The following TNRC6A variants were observed in gnomAD, a reference collection of about 807,000 sequenced individuals.
TNRC6A encodes trinucleotide repeat containing adaptor 6A, also known as trinucleotide repeat-containing gene 6A protein.
Under a neutral mutation model 221.2 loss-of-function variants are expected in TNRC6A, and 44 were observed. That is an observed-to-expected ratio of 0.20 (90% confidence interval 0.16 to 0.26). The LOEUF (loss-of-function observed/expected upper bound fraction) is 0.26, where lower values mean the gene tolerates loss of function less well. Ranked by LOEUF, TNRC6A falls within the 10% of genes least tolerant of loss-of-function variation. TNRC6A has a pLI of 1.00. For synonymous variants in TNRC6A, 847 were observed against 838.5 expected (o/e 1.01, Z -0.18); for missense variants, 2,199 against 2,404.4 (o/e 0.91, Z 1.79).
intron 2 of TNRC6A, among the ~76,000 whole-genome samples, chr16:24,694,653 C>CAAAAA (rs145287258): frequency 1.8e-5 from 1 of 54,840 alleles, no homozygotes; most frequent in Non-Finnish European, 3.1e-5. Context: ...GACTCTGTCT[C>CAAAAA]AAAAAAAAAA....
chr16:24,798,776 A>T (rs930156456), intron 11 of TNRC6A, among the ~76,000 whole-genome samples: 2 of 152,234 alleles, frequency 1.3e-5, no homozygotes, highest in Admixed American at 1.3e-4. Context: ...AGTAGATGGT[A>T]TTGTGTTAAT....
At chr16:24,736,757 C>T (rs988369415) in intron 2 of TNRC6A, among the ~76,000 whole-genome samples, 1 of 152,186 alleles carries the variant, frequency 6.6e-6, no homozygotes, top group Non-Finnish European at 1.5e-5. Context: ...TACTTCTACA[C>T]TGACTTGGTG....
rs866342921 is a variant in TNRC6A, at chr16:24,823,111, G to A, written c.5513+98G>A. On this transcript the variant is annotated intron_variant, in intron 24 of 24. Transcript: ENST00000395799. The surrounding 1 kb of genome is among the most constrained non-coding windows in gnomAD (Gnocchi z 4.3). ...CAGTGCACAGGGTCCTGCGTGGGTG[G>A]CTCCTGCTGGCTGCAGTAGTGCCCT... The A allele has an allele frequency of 5.0e-5, 75 of 1,498,300 alleles. No homozygotes were observed. In the Middle Eastern group the frequency reaches 6.7e-3, roughly 134 times the overall value. The allele number at this position is 1,498,300 out of a possible 1,614,324, so 92.8% of individuals were successfully genotyped here.
chr16:24,771,582 T>TTATGTTTTATGTTA, intron 4 of TNRC6A, among the ~76,000 whole-genome samples: 4 of 95,474 alleles, frequency 4.2e-5, no homozygotes, highest in Non-Finnish European at 8.2e-5. Flanking sequence ...TTATGTTATG[T>TTATGTTTTATGTTA]TGTTATGTTA....
intron 5 of TNRC6A, among the ~76,000 whole-genome samples, chr16:24,777,727 C>T (rs1024101794): frequency 1.3e-5 from 2 of 152,122 alleles, no homozygotes; most frequent in Non-Finnish European, 2.9e-5. Context: ...TGAGTTCTTA[C>T]CTCCACTTTC....
At chr16:24,672,543 G>T (rs1384287702) in intron 2 of TNRC6A, among the ~76,000 whole-genome samples, 1 of 152,106 alleles carries the variant, frequency 6.6e-6, no homozygotes, top group East Asian at 1.9e-4. Context: ...CTGGGCTCAG[G>T]CGATTTTCCC....
At chr16:24,700,246 T>A (rs1000023206) in intron 2 of TNRC6A, among the ~76,000 whole-genome samples, 2 of 149,368 alleles carry the variant, frequency 1.3e-5, no homozygotes, top group Admixed American at 6.6e-5. Context: ...ATTTTTCTTT[T>A]TTTTTTTGAG....
intron 1 of TNRC6A, among the ~76,000 whole-genome samples, chr16:24,620,409 G>A (rs560306054): frequency 2.5e-4 from 38 of 152,254 alleles, no homozygotes; most frequent in African/African-American, 9.1e-4. Flanking sequence ...TGCTAGTCAA[G>A]GAAGTAGATT....
chr16:24,668,314 A>AGT (rs1325481730), intron 2 of TNRC6A, among the ~76,000 whole-genome samples: 3 of 151,914 alleles, frequency 2.0e-5, no homozygotes, highest in Non-Finnish European at 4.4e-5. Context: ...ATTGCACTCC[A>AGT]GTCTGGGCAA....
chr16:24,781,658 CTCTT>C (rs1183225203), intron 5 of TNRC6A, among the ~76,000 whole-genome samples: 1 of 152,092 alleles, frequency 6.6e-6, no homozygotes, highest in African/African-American at 2.4e-5. Context: ...CAAACTTGAA[CTCTT>C]TGTGTTGCCC....
chr16:24,820,069 G>C, intron 21 of TNRC6A, 70 bp from the exon 22 acceptor site: 1 of 1,407,010 alleles, frequency 7.1e-7, no homozygotes, highest in Non-Finnish European at 1.0e-6. Flanking sequence ...GAGAATGGAT[G>C]TCATTATTTA....
At chr16:24,678,042 A>G (rs113685067) in intron 2 of TNRC6A, among the ~76,000 whole-genome samples, 7,709 of 151,884 alleles carry the variant, frequency 0.051, 632 homozygotes, top group African/African-American at 0.18. Flanking sequence ...GAGCGCAGTG[A>G]CTCATGCCTG....
At position 24,729,759 on chromosome 16, in the gene TNRC6A, G is replaced by A; in HGVS notation, c.-83G>A. 1.5e-6 allele frequency: 2 copies of A among 1,354,136 alleles called. No individual in the cohort carries two copies. The highest frequency in any genetic ancestry group is 1.5e-5 in the African/African-American group (1 of 64,582). The allele number at this position is 1,354,136 out of a possible 1,614,324, so 83.9% of individuals were successfully genotyped here. ...AAAATGGCGCTGGTGCAGCGGCTCG[G>A]GCCTCTCCCCGCGGCGCTGCGGAGG... On this transcript the variant is annotated 5_prime_UTR_variant, in exon 1 of 25. Transcript: ENST00000395799.
chr16:24,635,141 T>G (rs1375718874), intron 1 of TNRC6A, among the ~76,000 whole-genome samples: 1 of 142,452 alleles, frequency 7.0e-6, no homozygotes, highest in Non-Finnish European at 1.5e-5. Flanking sequence ...TTTCTTTTTC[T>G]TTTCTTTCCT....
At chr16:24,697,305 T>C (rs1405199556) in intron 2 of TNRC6A, among the ~76,000 whole-genome samples, 1 of 152,232 alleles carries the variant, frequency 6.6e-6, no homozygotes, top group Non-Finnish European at 1.5e-5. Context: ...AATCCTCTTC[T>C]GAATCGTTGT....
rs756202097 is a variant in TNRC6A, at chr16:24,791,559, G to A, written c.2917G>A (p.Gly973Arg). The A allele has an allele frequency of 6.4e-6, 10 of 1,551,322 alleles. No homozygotes were observed. The highest frequency in any genetic ancestry group is 1.4e-5 in the African/African-American group (1 of 72,438). Residue 973 changes from glycine to arginine, a missense_variant, in exon 6 of 25, where the codon GGA becomes AGA. Coordinates refer to ENST00000395799, the MANE Select transcript of TNRC6A (RefSeq NM_014494.4). ...GKPPGTGWLG[G>R]PIPAPAKEEE... ...ACCTCCTGGTACAGGCTGGCTGGGG[G>A]GACCTATACCAGCCCCAGCAAAAGA...
intron 2 of TNRC6A, among the ~76,000 whole-genome samples, chr16:24,748,351 T>C (rs1383582998): frequency 6.6e-6 from 1 of 152,182 alleles, no homozygotes; most frequent in Admixed American, 6.5e-5. Flanking sequence ...GCTGCTCTCA[T>C]ATGCTGTGGC....
intron 2 of TNRC6A, among the ~76,000 whole-genome samples, chr16:24,653,288 A>G (rs1902768921): frequency 6.6e-6 from 1 of 152,148 alleles, no homozygotes; most frequent in African/African-American, 2.4e-5. Context: ...GAGATGACAA[A>G]AATAAAAGGA....
chr16:24,691,071 A>C (rs148437472), intron 2 of TNRC6A, among the ~76,000 whole-genome samples: 1 of 152,014 alleles, frequency 6.6e-6, no homozygotes, highest in African/African-American at 2.4e-5. Context: ...CGGCCTCCCA[A>C]AGTGCTGGGA....
Sources: allele counts gnomAD v4.1 joint callset (sites outside exome capture counted in the v4.1 genomes callset), GRCh38; gene constraint gnomAD v4.1.1; non-coding constraint Gnocchi (gnomAD v3.1); transcripts MANE v1.5; gene names NCBI Gene and HGNC (gene_info 2026-07-23, HGNC 2026-07-21).